Variants in ATXN1 observed in about 807,000 individuals in gnomAD.
ATXN1 encodes ataxin-1.
ATXN1 carries 8 observed loss-of-function variants against 56.4 expected under a neutral mutation model. The observed-to-expected ratio is 0.14, with a 90% confidence interval of 0.08 to 0.26. The LOEUF (loss-of-function observed/expected upper bound fraction) is 0.26, where lower values mean the gene tolerates loss of function less well. ATXN1 is among the 10% of genes least tolerant of loss of function. ATXN1 has a pLI of 1.00. For synonymous variants in ATXN1, 514 were observed against 494.6 expected (o/e 1.04, Z -0.52); for missense variants, 987 against 1,106.5 (o/e 0.89, Z 1.53).
rs78922334 is a variant in ATXN1 at position 16,672,946 on chromosome 6, G to A, written c.-614-15045C>T. Among the ~76,000 whole-genome samples, 24 of 151,136 alleles carry A rather than the reference G, an allele frequency of 1.6e-4. No individual in the cohort carries two copies. In the East Asian group the frequency reaches 3.5e-3, roughly 22 times the overall value. On this transcript the variant is annotated intron_variant, in intron 2 of 7. Transcript: ENST00000436367. ...GGAGAATTGCTTGAACCTTGGAGAC[G>A]GAGGTGGCACTGAGCCAATATGTGC...
chr6:16,471,638 G>T (rs891702519), intron 6 of ATXN1, among the ~76,000 whole-genome samples: 1 of 151,902 alleles, frequency 6.6e-6, no homozygotes, highest in African/African-American at 2.4e-5. Context: ...TCTGTAGCTG[G>T]GCAGCTTTCA....
chr6:16,511,392 C>T (rs1249226523), intron 5 of ATXN1, among the ~76,000 whole-genome samples: 1 of 152,196 alleles, frequency 6.6e-6, no homozygotes, highest in African/African-American at 2.4e-5. Flanking sequence ...AGAGAGCTAA[C>T]AACTGCAAAG....
chr6:16,601,132 T>C (rs982262773), intron 3 of ATXN1, among the ~76,000 whole-genome samples: 2 of 152,176 alleles, frequency 1.3e-5, no homozygotes, highest in South Asian at 4.1e-4. Flanking sequence ...TGGTAAAAGG[T>C]GTTTCCAAGA....
chr6:16,435,461 G>C (rs1328216968), intron 6 of ATXN1, among the ~76,000 whole-genome samples: 1 of 152,090 alleles, frequency 6.6e-6, no homozygotes, highest in Non-Finnish European at 1.5e-5. Flanking sequence ...GACTTAGGAA[G>C]GAGGGGCCAG....
chr6:16,322,121 G>A (rs933775372), intron 7 of ATXN1, among the ~76,000 whole-genome samples: 3 of 152,164 alleles, frequency 2.0e-5, no homozygotes, highest in African/African-American at 7.2e-5. Flanking sequence ...CTACTGGGGA[G>A]GCTGAGGTGG....
rs1264598647 is a variant in ATXN1 at position 16,657,889 on chromosome 6, A to G, written c.-602T>C. On this transcript the variant is annotated 5_prime_UTR_variant, in exon 3 of 8. Transcript: ENST00000436367. Reference sequence around the variant, plus strand: ...AAGCTTCAAAATAGACTCTTTCACTATGCTCCAGTATGCTGCAGTCAAACA... The same window carrying G: ...AAGCTTCAAAATAGACTCTTTCACTGTGCTCCAGTATGCTGCAGTCAAACA... 2 of 152,320 alleles carry G rather than the reference A, an allele frequency of 1.3e-5. No individual in the cohort carries two copies. The highest frequency in any genetic ancestry group is 6.5e-5 in the Admixed American group (1 of 15,294). 9.4% of individuals were successfully genotyped at this position (152,320 alleles called of 1,614,324 possible).
At position 16,474,941 on chromosome 6, in the gene ATXN1, T is replaced by A. The variant is rs560705108; in HGVS notation, c.-161+11031A>T. On this transcript the variant is annotated intron_variant, in intron 6 of 7. Transcript: ENST00000436367. ...ATATCCATCTTCAGGCTTTCTTCTA[T>A]CCTAAATTTCAAAGAATTAGACTAG... Among the ~76,000 whole-genome samples the A allele has an allele frequency of 2.0e-5, 3 of 152,248 alleles. No homozygotes were observed. The East Asian group carries it at 5.8e-4, about 29-fold the overall frequency.
At chr6:16,730,483 G>GTATATATATATA (rs1283942311) in intron 2 of ATXN1, among the ~76,000 whole-genome samples, 3,174 of 74,268 alleles carry the variant, frequency 0.043, 71 homozygotes, top group Non-Finnish European at 0.059. Context: ...GGGTAAAACA[G>GTATATATATATA]TATGTATATA....
chr6:16,674,490 C>A (rs912762029), intron 2 of ATXN1, among the ~76,000 whole-genome samples: 2 of 151,324 alleles, frequency 1.3e-5, no homozygotes, highest in African/African-American at 4.9e-5. Flanking sequence ...GCTGGGATTA[C>A]AGGCGCCCAC....
At chr6:16,703,817 C>G (rs554731796) in intron 2 of ATXN1, among the ~76,000 whole-genome samples, 6 of 152,142 alleles carry the variant, frequency 3.9e-5, no homozygotes, top group Non-Finnish European at 7.3e-5. Context: ...GTCAGGAGTT[C>G]GAGACCAATC....
At chr6:16,482,665 T>C (rs1367830042) in intron 6 of ATXN1, among the ~76,000 whole-genome samples, 2 of 152,230 alleles carry the variant, frequency 1.3e-5, no homozygotes, top group Non-Finnish European at 2.9e-5. Flanking sequence ...CCAATGAGTG[T>C]GGACCCTAAA....
chr6:16,673,386 T>C (rs919167460), intron 2 of ATXN1, among the ~76,000 whole-genome samples: 1 of 152,188 alleles, frequency 6.6e-6, no homozygotes, highest in Middle Eastern at 3.2e-3. Context: ...CCGGGTAGTT[T>C]ATTTTCATGC....
intron 6 of ATXN1, among the ~76,000 whole-genome samples, chr6:16,481,730 A>G (rs533866991): frequency 9.2e-5 from 14 of 152,222 alleles, no homozygotes; most frequent in Non-Finnish European, 1.9e-4. Context: ...TTTTCATTCT[A>G]AGGTGTGCAC....
At chr6:16,468,121 A>C (rs1311126526) in intron 6 of ATXN1, among the ~76,000 whole-genome samples, 1 of 152,254 alleles carries the variant, frequency 6.6e-6, no homozygotes, top group Non-Finnish European at 1.5e-5. Flanking sequence ...AGAACTAATA[A>C]ACTCTGAGGC....
intron 4 of ATXN1, among the ~76,000 whole-genome samples, chr6:16,540,573 T>C (rs776082209): frequency 2.0e-5 from 3 of 152,078 alleles, no homozygotes; most frequent in Admixed American, 6.5e-5. Flanking sequence ...ATTGTACAGA[T>C]TGGAGTACTG....
At chr6:16,464,351 A>G (rs1760059240) in intron 6 of ATXN1, among the ~76,000 whole-genome samples, 1 of 152,190 alleles carries the variant, frequency 6.6e-6, no homozygotes, top group East Asian at 1.9e-4. Flanking sequence ...AGGATTGAAA[A>G]AAAGGGCACT....
intron 5 of ATXN1, among the ~76,000 whole-genome samples, chr6:16,511,355 A>G (rs1161979250): frequency 6.6e-6 from 1 of 152,102 alleles, no homozygotes; most frequent in African/African-American, 2.4e-5. Context: ...GCTCTGCTTC[A>G]CTCTTCCTTT....
intron 4 of ATXN1, among the ~76,000 whole-genome samples, chr6:16,581,476 T>A: frequency 6.6e-6 from 1 of 151,994 alleles, no homozygotes; most frequent in East Asian, 1.9e-4. Context: ...CCTAAGGAGA[T>A]AAAAGAAATC....
At chr6:16,364,367 C>T (rs929796636) in intron 6 of ATXN1, among the ~76,000 whole-genome samples, 29 of 151,970 alleles carry the variant, frequency 1.9e-4, no homozygotes, top group African/African-American at 5.3e-4. Flanking sequence ...TGCAGTGGCG[C>T]GATCTCAGCT....
Sources: gnomAD v4.1 joint callset for allele counts (sites outside exome capture counted in the v4.1 genomes callset) on GRCh38, gnomAD v4.1.1 for gene constraint, MANE v1.5 for transcripts, NCBI Gene and HGNC (gene_info 2026-07-23, HGNC 2026-07-21) for gene names.